ALMS1: variants seen among roughly 807,000 people sequenced by gnomAD.
ALMS1 encodes the protein centrosome-associated protein ALMS1.
ALMS1 carries 271 observed loss-of-function variants against 352.2 expected under a neutral mutation model. The observed-to-expected ratio is 0.77, with a 90% confidence interval of 0.70 to 0.85. The LOEUF (loss-of-function observed/expected upper bound fraction) is 0.85. ALMS1 is among the 40% of genes least tolerant of loss of function. ALMS1 has a pLI of 0.00. For missense variants in ALMS1, 5,445 were observed against 4,870.7 expected, an observed-to-expected ratio of 1.12 and a Z score of -3.51; for synonymous variants, 1,865 against 1,761.2, an observed-to-expected ratio of 1.06 and a Z score of -1.48.
intron 10 of ALMS1, among the ~76,000 whole-genome samples, chr2:73,499,108 T>C (rs1296500630): frequency 1.3e-5 from 2 of 152,226 alleles, no homozygotes; most frequent in Non-Finnish European, 2.9e-5. Context: ...CCAGCATTTG[T>C]TATTGCCTGT....
At chr2:73,402,406 T>A (rs974189154) in intron 1 of ALMS1, among the ~76,000 whole-genome samples, 3 of 151,780 alleles carry the variant, frequency 2.0e-5, no homozygotes, top group Admixed American at 2.0e-4. Flanking sequence ...CCTGAGTAGC[T>A]GGGGTTACAG....
intron 9 of ALMS1, among the ~76,000 whole-genome samples, chr2:73,461,174 T>A (rs576140971): frequency 1.3e-5 from 2 of 152,324 alleles, no homozygotes; most frequent in African/African-American, 4.8e-5. Flanking sequence ...GCAGCCTAAC[T>A]GGGAGGCACC....
intron 12 of ALMS1, among the ~76,000 whole-genome samples, chr2:73,539,228 A>G (rs905532814): frequency 1.1e-4 from 17 of 152,162 alleles, no homozygotes; most frequent in Admixed American, 3.3e-4. Flanking sequence ...CTGTTCACCA[A>G]TATTCGCTGT....
chr2:73,528,320 G>A (rs1019891417), intron 11 of ALMS1, among the ~76,000 whole-genome samples: 3 of 152,150 alleles, frequency 2.0e-5, no homozygotes, highest in African/African-American at 4.8e-5. Flanking sequence ...TGAAAGCGGG[G>A]TGTTGAAGTT....
chr2:73,388,297 G>T (rs1670578542), intron 1 of ALMS1, among the ~76,000 whole-genome samples: 1 of 152,044 alleles, frequency 6.6e-6, no homozygotes, highest in African/African-American at 2.4e-5. Context: ...TTTAGATTTG[G>T]GGGTACATAT....
In ALMS1 at chr2:73,572,961, G is replaced by A. The variant is rs780014956; in HGVS notation, c.11084G>A (p.Ser3695Asn). The change falls in exon 16 of 23, where the codon AGC becomes AAC. Residue 3695 changes from serine (S) to asparagine (N), a missense_variant. By Grantham distance (46) the Ser-to-Asn change is conservative. Coordinates refer to ENST00000613296, the MANE Select transcript of ALMS1 (RefSeq NM_001378454.1). Reference protein sequence around the residue: ...SHKNTGELKKSKVLSHHRAGR... With the variant: ...SHKNTGELKKNKVLSHHRAGR... ...AAAAATACAGGCGAGCTTAAAAAAA[G>A]CAAGGTGCTTTCTCATCATCGAGCT... The A allele has an allele frequency of 2.5e-6, 4 of 1,614,122 alleles. No individual in the cohort carries two copies. The highest frequency in any genetic ancestry group is 1.1e-5 in the South Asian group (1 of 91,078).
chr2:73,604,347 G>A (rs1390938090), intron 21 of ALMS1, among the ~76,000 whole-genome samples: 1 of 152,170 alleles, frequency 6.6e-6, no homozygotes, highest in Non-Finnish European at 1.5e-5. Context: ...GCAGTGAGCT[G>A]TGATCACACC....
intron 6 of ALMS1, among the ~76,000 whole-genome samples, chr2:73,426,906 T>C (rs150210080): frequency 1.1e-4 from 16 of 152,366 alleles, no homozygotes; most frequent in African/African-American, 3.4e-4. Context: ...TGAAAAATTA[T>C]ATCCTTCAGT....
At chr2:73,484,511 T>G (rs1672783949) in intron 9 of ALMS1, among the ~76,000 whole-genome samples, 1 of 151,682 alleles carries the variant, frequency 6.6e-6, no homozygotes. Flanking sequence ...TTAACATTTT[T>G]TCCTTCATTT....
At chr2:73,587,844 C>A (rs765695057) in intron 16 of ALMS1, among the ~76,000 whole-genome samples, 3 of 152,098 alleles carry the variant, frequency 2.0e-5, no homozygotes, top group African/African-American at 4.8e-5. Context: ...GATATTACAA[C>A]CAATACCACA....
chr2:73,486,477 T>G (rs1328227361), intron 9 of ALMS1, among the ~76,000 whole-genome samples: 1 of 152,234 alleles, frequency 6.6e-6, no homozygotes, highest in African/African-American at 2.4e-5. Flanking sequence ...TTCTCTCTTT[T>G]GCTAGGCTTC....
Position 73,572,711 on chromosome 2 carries a change from C to T in ALMS1, c.10834C>T (p.Gln3612Ter), listed in dbSNP as rs756345976. The T allele has an allele frequency of 8.7e-6, 14 of 1,614,076 alleles. No individual in the cohort carries two copies. The highest frequency in any genetic ancestry group is 1.2e-5 in the Non-Finnish European group (14 of 1,180,000). The stretch of plus-strand genomic sequence containing the variant: ...CAAGTATCGGGAGCGACAGAGGCAA[C>T]AGAGACAGCCTGAGTTGGGTGACAG... Reference protein sequence around the residue: ...WNKYRERQRQQRQPELGDRKE... With the variant: ...WNKYRERQRQ Residue 3612 changes from glutamine to a stop codon, truncating the protein, a stop_gained, in exon 16 of 23, where the codon CAG (glutamine) becomes TAG (stop). Transcript: ENST00000613296. LOFTEE classifies it high-confidence loss of function.
At chr2:73,426,679 C>A in intron 6 of ALMS1, 126 bp downstream of exon 6, 1 of 922,800 alleles carries the variant, frequency 1.1e-6, no homozygotes, top group Non-Finnish European at 1.7e-6. Flanking sequence ...TGTCATTTGA[C>A]TGGTGAGTAC....
At chr2:73,423,000 C>G (rs751466675) in intron 4 of ALMS1, 26 bp downstream of exon 4, 1 of 1,540,954 alleles carries the variant, frequency 6.5e-7, no homozygotes, top group Non-Finnish European at 9.0e-7. Flanking sequence ...TGCATGTAAC[C>G]TTTCTCACTT....
chr2:73,445,089 A>C (rs1671784833), intron 7 of ALMS1, among the ~76,000 whole-genome samples: 1 of 152,126 alleles, frequency 6.6e-6, no homozygotes, highest in South Asian at 2.1e-4. Context: ...CTTTTTAAAA[A>C]AAAATCTTTT....
At chr2:73,539,806 G>T (rs191523474) in intron 12 of ALMS1, among the ~76,000 whole-genome samples, 1 of 152,112 alleles carries the variant, frequency 6.6e-6, no homozygotes, top group Admixed American at 6.6e-5. Flanking sequence ...GAAATCAAGC[G>T]AGAAGAGAAG....
intron 2 of ALMS1, among the ~76,000 whole-genome samples, chr2:73,411,895 C>G (rs1671084553): frequency 6.6e-6 from 1 of 152,218 alleles, no homozygotes; most frequent in Non-Finnish European, 1.5e-5. Context: ...CCCATGATCA[C>G]AGTCTATCTA....
At position 73,453,379 on chromosome 2, in the gene ALMS1, C is replaced by T. The variant is rs1671990680; in HGVS notation, c.6852C>T (p.Ala2284=). The change falls in exon 8 of 23, where the codon GCC becomes GCT. Residue 2284 remains alanine (A), a synonymous_variant. Transcript: ENST00000613296. ...GATGCAATTTTCCTGCTCCCCTTGC[C>T]CGTTTCAGAGATATTAGTGATATTT... ...LKRCNFPAPL[A]RFRDISDISF... The T allele has an allele frequency of 6.2e-7, 1 of 1,613,658 alleles. No individual in the cohort carries two copies. The highest frequency in any genetic ancestry group is 1.1e-5 in the South Asian group (1 of 91,074).
chr2:73,451,440 A>G lies in ALMS1; in HGVS notation c.4913A>G (p.Asn1638Ser), dbSNP rs1474358212. ...YRQALLDSPL[N>S]KEVVKVSAAP... ...CAGGCTCTGCTAGACAGTCCTCTAA[A>G]TAAAGAGGTTGTGAAAGTTTCAGCT... The change falls in exon 8 of 23, where the codon AAT becomes AGT. Residue 1638 changes from asparagine to serine, a missense_variant. Asn to Ser is a conservative substitution (Grantham distance 46, BLOSUM62 1). Transcript: ENST00000613296. The G allele has an allele frequency of 5.0e-6, 8 of 1,611,278 alleles. No individual in the cohort carries two copies. The highest frequency in any genetic ancestry group is 5.9e-6 in the Non-Finnish European group (7 of 1,179,078).
Sources: gnomAD v4.1 joint callset for allele counts (sites outside exome capture counted in the v4.1 genomes callset) on GRCh38, gnomAD v4.1.1 for gene constraint, MANE v1.5 for transcripts, NCBI Gene and HGNC (gene_info 2026-07-23, HGNC 2026-07-21) for gene names.